The following DPYD variants were observed in gnomAD, a reference collection of about 807,000 sequenced individuals.
DPYD encodes the protein dihydropyrimidine dehydrogenase [NADP(+)].
A neutral mutation model predicts 116.2 loss-of-function variants in DPYD; 109 were observed. The observed-to-expected ratio is 0.94, with a 90% CI of 0.80 to 1.10. The LOEUF (loss-of-function observed/expected upper bound fraction) is 1.10, where lower values mean the gene tolerates loss of function less well. Among genes scored for constraint, DPYD ranks in the 50% least tolerant of loss-of-function variants. DPYD has a pLI of 0.00. For synonymous variants in DPYD, 440 were observed against 432.0 expected (o/e 1.02, Z -0.23); for missense variants, 1,302 against 1,254.5 (o/e 1.04, Z -0.57).
chr1:97,858,406 G>T (rs6604118), intron 2 of DPYD, among the ~76,000 whole-genome samples: 152,271 of 152,300 alleles, frequency 1, 76,121 homozygotes, highest in Non-Finnish European at 1. Flanking sequence ...TAAGTAATTA[G>T]GAAACCTTGA....
At chr1:97,827,306 T>C (rs1669290883) in intron 3 of DPYD, among the ~76,000 whole-genome samples, 1 of 151,724 alleles carries the variant, frequency 6.6e-6, no homozygotes, top group African/African-American at 2.4e-5. Flanking sequence ...ATAGGCTAAA[T>C]AAATATAAAT....
intron 14 of DPYD, among the ~76,000 whole-genome samples, chr1:97,425,497 TTATGAC>T (rs370372198): frequency 1.1e-3 from 169 of 152,238 alleles, no homozygotes; most frequent in African/African-American, 3.8e-3. Context: ...GGCTTTCCTG[TTATGAC>T]TATAACTTTT....
intron 14 of DPYD, among the ~76,000 whole-genome samples, chr1:97,421,748 CAA>C (rs1255845031): frequency 2.0e-5 from 3 of 152,252 alleles, no homozygotes; most frequent in African/African-American, 7.2e-5. Context: ...ACACACCATT[CAA>C]AGAGTAAAGC....
At chr1:97,304,793 G>C (rs1291852166) in intron 18 of DPYD, among the ~76,000 whole-genome samples, 1 of 151,978 alleles carries the variant, frequency 6.6e-6, no homozygotes, top group Non-Finnish European at 1.5e-5. Context: ...GTCTGCAAAT[G>C]TCTTGTCAGC....
intron 3 of DPYD, among the ~76,000 whole-genome samples, chr1:97,762,311 C>T (rs1296143772): frequency 6.6e-6 from 1 of 152,072 alleles, no homozygotes; most frequent in Non-Finnish European, 1.5e-5. Flanking sequence ...AAGATTAACA[C>T]CTTTATATCC....
At chr1:97,703,208 A>G (rs1222680609) in intron 5 of DPYD, among the ~76,000 whole-genome samples, 2 of 152,024 alleles carry the variant, frequency 1.3e-5, no homozygotes, top group Non-Finnish European at 2.9e-5. Context: ...ACCTTGATGC[A>G]ATTTTTAAGG....
At chr1:97,641,205 T>C (rs1657878220) in intron 8 of DPYD, among the ~76,000 whole-genome samples, 1 of 152,118 alleles carries the variant, frequency 6.6e-6, no homozygotes, top group Non-Finnish European at 1.5e-5. Flanking sequence ...AGTTCCTGAT[T>C]TCTGACAAAT....
chr1:97,575,566 C>T (rs929813420), intron 10 of DPYD, among the ~76,000 whole-genome samples: 11 of 152,122 alleles, frequency 7.2e-5, no homozygotes, highest in Admixed American at 2.0e-4. Context: ...ATTGGAACCA[C>T]ATAAAAATTA....
chr1:97,332,790 A>C (rs1477482021), intron 16 of DPYD, among the ~76,000 whole-genome samples: 1 of 152,216 alleles, frequency 6.6e-6, no homozygotes, highest in African/African-American at 2.4e-5. Flanking sequence ...GAAATTAAAT[A>C]ATCTAAATCT....
chr1:97,625,612 G>C (rs1656884597), intron 8 of DPYD, among the ~76,000 whole-genome samples: 1 of 151,688 alleles, frequency 6.6e-6, no homozygotes, highest in Non-Finnish European at 1.5e-5. Context: ...AACATGACTG[G>C]TGCCCTAAAA....
At chr1:97,920,064 C>T (rs545115159) in intron 1 of DPYD, among the ~76,000 whole-genome samples, 1 of 152,210 alleles carries the variant, frequency 6.6e-6, no homozygotes, top group East Asian at 1.9e-4. Context: ...CCAAACAAAA[C>T]AGAAAACTAA....
chr1:97,227,219 C>A (rs1035571469), intron 19 of DPYD, among the ~76,000 whole-genome samples: 1 of 148,728 alleles, frequency 6.7e-6, no homozygotes, highest in South Asian at 2.2e-4. Flanking sequence ...CAGCTCTACT[C>A]GGGAGGCTGA....
chr1:97,594,297 G>C (rs2102256104), intron 9 of DPYD, among the ~76,000 whole-genome samples: 2 of 152,076 alleles, frequency 1.3e-5, no homozygotes, highest in South Asian at 4.2e-4. Context: ...TCCTCAGAAA[G>C]GGTTTCAGAC....
intron 16 of DPYD, among the ~76,000 whole-genome samples, chr1:97,321,538 C>T: frequency 8.4e-6 from 1 of 118,898 alleles, no homozygotes; most frequent in African/African-American, 2.9e-5. Flanking sequence ...AATGAGATAC[C>T]ATCTCACACC....
chr1:97,481,456 C>G (rs1488872516), intron 13 of DPYD, among the ~76,000 whole-genome samples: 1 of 151,924 alleles, frequency 6.6e-6, no homozygotes, highest in East Asian at 1.9e-4. Flanking sequence ...GGAGTCTATT[C>G]TAGAGAAATT....
intron 12 of DPYD, among the ~76,000 whole-genome samples, chr1:97,538,021 C>T (rs980251444): frequency 6.7e-6 from 1 of 149,630 alleles, no homozygotes; most frequent in Non-Finnish European, 1.5e-5. Flanking sequence ...GAGCCAAGAT[C>T]GTGCCATTGC....
At chr1:97,896,603 T>G (rs753319551) in intron 1 of DPYD, among the ~76,000 whole-genome samples, 1 of 151,958 alleles carries the variant, frequency 6.6e-6, no homozygotes, top group African/African-American at 2.4e-5. Flanking sequence ...TTCATGAATT[T>G]TAGTATACCT....
chr1:97,651,253 T>A (rs1448503812), intron 8 of DPYD, among the ~76,000 whole-genome samples: 1 of 152,178 alleles, frequency 6.6e-6, no homozygotes, highest in Non-Finnish European at 1.5e-5. Flanking sequence ...GAGGCGATTT[T>A]ATGAACCAGC....
At chr1:97,432,376 G>A (rs1366615422) in intron 14 of DPYD, among the ~76,000 whole-genome samples, 2 of 151,900 alleles carry the variant, frequency 1.3e-5, no homozygotes, top group Non-Finnish European at 2.9e-5. Flanking sequence ...CCTTAAGCCT[G>A]GTCAATGAAT....
Sources: gnomAD v4.1 joint callset for allele counts (sites outside exome capture counted in the v4.1 genomes callset) on GRCh38, gnomAD v4.1.1 for gene constraint, MANE v1.5 for transcripts, NCBI Gene and HGNC (gene_info 2026-07-23, HGNC 2026-07-21) for gene names.